The following RC3H2 variants were observed in gnomAD, a reference collection of about 807,000 sequenced individuals.
RC3H2 encodes the protein ring finger and CCCH-type domains 2.
RC3H2 carries 31 observed loss-of-function variants against 133.3 expected under a neutral mutation model. The ratio of observed to expected loss-of-function variants is 0.23; its 90% CI spans 0.17 to 0.31. The LOEUF is 0.31. RC3H2 is among the 10% of genes least tolerant of loss of function. RC3H2 has a pLI of 1.00. For synonymous variants in RC3H2, 517 were observed against 502.2 expected, an observed-to-expected ratio of 1.03 and a Z score of -0.40; for missense variants, 1,175 against 1,437.2, an observed-to-expected ratio of 0.82 and a Z score of 2.95.
chr9:122,876,473 C>G (rs569077977), intron 9 of RC3H2, among the ~76,000 whole-genome samples: 40 of 151,720 alleles, frequency 2.6e-4, no homozygotes, highest in Non-Finnish European at 5.3e-4. Context: ...ACTAAAAATA[C>G]AAAAATTGGC....
chr9:122,856,795 A>T (rs1830266561), intron 13 of RC3H2, among the ~76,000 whole-genome samples: 1 of 152,204 alleles, frequency 6.6e-6, no homozygotes. Context: ...CAAAAAAGTT[A>T]AAAAACTTTT....
intron 5 of RC3H2, among the ~76,000 whole-genome samples, chr9:122,882,147 A>AT (rs1295604815): frequency 1.3e-5 from 2 of 152,182 alleles, no homozygotes; most frequent in Non-Finnish European, 2.9e-5. Context: ...TCATCAGGGT[A>AT]TTTACATAGC....
intron 9 of RC3H2, among the ~76,000 whole-genome samples, chr9:122,868,840 TGTGTGTGTGTGTGTGTGTGTGTGTGTG>T (rs1830897821): frequency 1.7e-3 from 1 of 586 alleles, no homozygotes; most frequent in African/African-American, 2.8e-3. Context: ...CCCTCCTATA[TGTGTGTGTGTGTGTGTGTGTGTGTGTG>T]TGTGTGTGTG....
chr9:122,901,485 C>T (rs1588119189), intron 1 of RC3H2, among the ~76,000 whole-genome samples: 1 of 151,852 alleles, frequency 6.6e-6, no homozygotes, highest in African/African-American at 2.4e-5. Flanking sequence ...GTGATTTTGC[C>T]GTTAACGTGT....
intron 18 of RC3H2, 157 bp downstream of exon 18, chr9:122,853,795 C>T: frequency 6.8e-7 from 1 of 1,480,048 alleles, no homozygotes; most frequent in Non-Finnish European, 9.0e-7. Context: ...TTTAAGAAAT[C>T]TGGGATTACA....
chr9:122,881,263 G>C (rs566122866), intron 5 of RC3H2, among the ~76,000 whole-genome samples: 5 of 152,184 alleles, frequency 3.3e-5, no homozygotes, highest in Admixed American at 2.0e-4. Context: ...GAGGTGGGCA[G>C]ATCACTTGAA....
intron 18 of RC3H2, among the ~76,000 whole-genome samples, chr9:122,852,189 A>C (rs1352163385): frequency 9.8e-5 from 12 of 121,946 alleles, no homozygotes; most frequent in Admixed American, 2.4e-4. Context: ...CCCGGCCGCC[A>C]CCCCGTCTGG....
Position 122,892,993 on chromosome 9 carries a change from G to T in RC3H2, c.265C>A (p.Leu89Ile). The change falls in exon 3 of 21, where the codon CTA becomes ATA. Residue 89 changes from leucine (L) to isoleucine (I), a missense_variant. By Grantham distance (5) the Leu-to-Ile change is conservative (BLOSUM62 2). Transcript: ENST00000357244. ...ACCTCATAGTGTTTATTCTCACCTA[G>T]ATTACTTAACTTAATTGACTGATGA... ...PDHQSIKLSN[L>I]GENKHYEVAK... 3 of 1,603,002 alleles carry T rather than the reference G, an allele frequency of 1.9e-6. No homozygotes were observed. Among genetic ancestry groups the T allele is most frequent in the Non-Finnish European group, 1.7e-6 (2 of 1,177,150 alleles).
chr9:122,897,080 T>C (rs1008242004), intron 2 of RC3H2, among the ~76,000 whole-genome samples, 199 bp downstream of exon 2: 1 of 136,222 alleles, frequency 7.3e-6, no homozygotes, highest in Non-Finnish European at 1.6e-5. Flanking sequence ...ACACTAACGA[T>C]AGCTGATGAG....
chr9:122,858,006 G>A lies in RC3H2; in HGVS notation c.2371C>T (p.Pro791Ser), dbSNP rs188993344. 12 of 1,614,146 alleles carry A rather than the reference G, an allele frequency of 7.4e-6. No homozygotes were observed. The highest frequency in any genetic ancestry group is 9.3e-6 in the Non-Finnish European group (11 of 1,179,964). ...QWAQYHTQKAPLVSSTLPVAT... is the reference protein window; with the variant it reads ...QWAQYHTQKASLVSSTLPVAT... ...ACAGGAAGAGTTGAAGAGACAAGAG[G>A]TGCTTTCTGAGTGTGGTACTGTGCC... The change falls in exon 13 of 21, where the codon CCT becomes TCT. Residue 791 changes from proline (P) to serine (S), a missense_variant. Pro to Ser is a moderately conservative substitution (Grantham distance 74). Coordinates refer to ENST00000357244, the MANE Select transcript of RC3H2 (RefSeq NM_001100588.3).
intron 1 of RC3H2, among the ~76,000 whole-genome samples, chr9:122,902,490 T>A (rs10985814): frequency 3.4e-4 from 51 of 152,112 alleles, no homozygotes; most frequent in African/African-American, 1.2e-3. Flanking sequence ...TAATATCCGA[T>A]AGAAATATGT....
intron 8 of RC3H2, among the ~76,000 whole-genome samples, chr9:122,879,089 A>G (rs1831475801): frequency 6.6e-6 from 1 of 150,830 alleles, no homozygotes; most frequent in Admixed American, 6.6e-5. Context: ...AGTACACTGA[A>G]AAGTATCTTG....
In RC3H2 at chr9:122,855,885, A is replaced by C; in HGVS notation, c.2455-7T>G. 1 of 1,533,942 alleles carries C rather than the reference A, an allele frequency of 6.5e-7. No individual in the cohort carries two copies. Among genetic ancestry groups the C allele is most frequent in the Non-Finnish European group, 8.8e-7 (1 of 1,131,194 alleles). On this transcript the variant is annotated splice_region_variant and splice_polypyrimidine_tract_variant and intron_variant, in intron 13 of 20. Transcript: ENST00000357244. ...CACTCACACTCTCTGAGAACTGGTT[A>C]AAAAAAAATAAATAAAGCCAATTAG...
intron 18 of RC3H2, among the ~76,000 whole-genome samples, chr9:122,853,152 A>T (rs1299676944): frequency 2.0e-5 from 3 of 151,886 alleles, no homozygotes; most frequent in Non-Finnish European, 1.5e-5. Context: ...GCGGTGCAAG[A>T]TGTGCTTTGT....
intron 9 of RC3H2, among the ~76,000 whole-genome samples, chr9:122,873,430 T>C (rs577230953): frequency 8.7e-4 from 133 of 152,290 alleles, no homozygotes; most frequent in African/African-American, 3.0e-3. Flanking sequence ...TGAAGAACCC[T>C]TGCCAGGTGC....
At position 122,851,100 on chromosome 9, in the gene RC3H2, C is replaced by G. The variant is rs1219872901; in HGVS notation, c.3361G>C (p.Gly1121Arg). Reference sequence around the variant, plus strand: ...ACTCACAGAATCACATGGTCTTCACCTAAACTCTGTTTCTTCTGCTTTGGT... The same window carrying G: ...ACTCACAGAATCACATGGTCTTCACGTAAACTCTGTTTCTTCTGCTTTGGT... ...EPPKQKKQSLGEDHVILEEQK... is the reference protein window; with the variant it reads ...EPPKQKKQSLREDHVILEEQK... Residue 1121 changes from glycine to arginine, a missense_variant, in exon 20 of 21, where the codon GGT becomes CGT. Gly to Arg is a moderately radical substitution (Grantham distance 125). This residue lies in a region of RC3H2 where 220 missense variants were observed against 201.1 expected (regional missense o/e 1.09). Coordinates refer to ENST00000357244, the MANE Select transcript of RC3H2 (RefSeq NM_001100588.3). The G allele has an allele frequency of 6.2e-7, 1 of 1,614,020 alleles. No homozygotes were observed. The highest frequency in any genetic ancestry group is 8.5e-7 in the Non-Finnish European group (1 of 1,180,050).
At chr9:122,865,048 A>T (rs886525539) in intron 10 of RC3H2, among the ~76,000 whole-genome samples, 4 of 151,968 alleles carry the variant, frequency 2.6e-5, no homozygotes, top group Non-Finnish European at 5.9e-5. Context: ...TGGAATCAAC[A>T]CTACAGTTCA....
intron 9 of RC3H2, among the ~76,000 whole-genome samples, chr9:122,866,641 G>T (rs1391989607): frequency 2.0e-5 from 3 of 152,092 alleles, no homozygotes; most frequent in Non-Finnish European, 4.4e-5. Context: ...TCCTAGCCGC[G>T]AGTGATCCGC....
At chr9:122,851,706 C>G (rs910374966) in intron 18 of RC3H2, 1 of 385,808 alleles carries the variant, frequency 2.6e-6, no homozygotes, top group African/African-American at 2.1e-5. Flanking sequence ...GCTGTGATGG[C>G]CGGGCTGGTC....
Sources: allele counts gnomAD v4.1 joint callset (sites outside exome capture counted in the v4.1 genomes callset), GRCh38; gene constraint gnomAD v4.1.1; regional missense constraint gnomAD v4.1.1; transcripts MANE v1.5; gene names NCBI Gene and HGNC (gene_info 2026-07-23, HGNC 2026-07-21).